Variants in RBM15 observed in about 807,000 individuals in gnomAD.
RBM15 encodes the protein RNA binding motif protein 15, also known as RNA-binding protein 15.
A neutral mutation model predicts 62.6 loss-of-function variants in RBM15; 8 were observed. That is an observed-to-expected ratio of 0.13 (90% CI 0.07 to 0.23). RBM15 has a LOEUF of 0.23. RBM15 is among the 10% of genes least tolerant of loss of function. The pLI, the probability that RBM15 is intolerant of heterozygous loss-of-function variation, is 1.00. For missense variants in RBM15, 1,144 were observed against 1,286.5 expected, an observed-to-expected ratio of 0.89 and a Z score of 1.69; for synonymous variants, 606 against 505.7, an observed-to-expected ratio of 1.20 and a Z score of -2.66.
chr1:110,339,966 G>C lies in RBM15; in HGVS notation c.561G>C (p.Glu187Asp). Residue 187 changes from glutamate to aspartate, a missense_variant, in exon 1 of 3, where the codon GAG (glutamate) becomes GAC (aspartate). Physicochemically the swap from Glu to Asp is conservative, Grantham distance 45 (BLOSUM62 2). This residue lies in a region of RBM15 where 15 missense variants were observed against 35.0 expected (regional missense o/e 0.43). Transcript: ENST00000369784. ...CCCAGCTTAGTGACGAAGCGGTGGAGGACGGCCTGTTTCATGAGTTCAAAC... is the reference window on the plus strand; with the variant it reads ...CCCAGCTTAGTGACGAAGCGGTGGACGACGGCCTGTTTCATGAGTTCAAAC... ...LGSQLSDEAV[E>D]DGLFHEFKRF... 6.2e-7 allele frequency: 1 copy of C among 1,614,138 alleles called. No homozygotes were observed. Among genetic ancestry groups the C allele is most frequent in the Non-Finnish European group, 8.5e-7 (1 of 1,180,012 alleles).
rs776197425 is a variant in RBM15, at chr1:110,345,779, A to G, written c.*40+130A>G. 26 of 625,814 alleles carry G rather than the reference A, an allele frequency of 4.2e-5. 1 individual carries two copies. The highest frequency in any genetic ancestry group is 1.5e-4 in the Admixed American group (5 of 33,718). The allele number at this position is 625,814 out of a possible 1,614,324, so 38.8% of individuals were successfully genotyped here. On this transcript the variant is annotated intron_variant, in intron 2 of 2. Transcript: ENST00000369784. ...ATTTGTATGAGTGTTTTATTAAAAT[A>G]ACGGCTGCTGTCTTTGGTAACATAG...
rs1660896409 is a variant in RBM15, at chr1:110,346,297, C to G, written c.*41-11C>G. 1 of 1,596,400 alleles carries G rather than the reference C, an allele frequency of 6.3e-7. No homozygotes were observed. Among genetic ancestry groups the G allele is most frequent in the African/African-American group, 1.3e-5 (1 of 74,650 alleles). ...TGTACTGAATAACCTTTTTTTCCCC[C>G]CCTCCGCAAGCAAAACTGGTTGAAC... is the stretch of plus-strand genomic sequence containing the variant. On this transcript the variant is annotated splice_polypyrimidine_tract_variant and intron_variant, in intron 2 of 2. Coordinates refer to ENST00000369784, the MANE Select transcript of RBM15 (RefSeq NM_022768.5).
At chr1:110,345,833 A>G (rs1327143707) in intron 2 of RBM15, among the ~76,000 whole-genome samples, 184 bp downstream of exon 2, 1 of 152,156 alleles carries the variant, frequency 6.6e-6, no homozygotes, top group Non-Finnish European at 1.5e-5. Context: ...ATGGCTTTGT[A>G]TCGACCCCTT....
rs1251921690 is a variant in RBM15, at chr1:110,340,530, G to T, written c.1125G>T (p.Thr375=). The T allele has an allele frequency of 2.5e-6, 4 of 1,614,208 alleles. No homozygotes were observed. The South Asian group carries it at 4.4e-5, about 18-fold the overall frequency. The change falls in exon 1 of 3, where the codon ACG becomes ACT. Residue 375 remains threonine, a synonymous_variant. Coordinates refer to ENST00000369784, the MANE Select transcript of RBM15 (RefSeq NM_022768.5). This position sits in a 1 kb window ranked among gnomAD's most constrained non-coding sequence, Gnocchi z 5.8. The part of the protein sequence containing the change: ...SPEDDQRANR[T]LFLGNLDITV... ...AGGATGATCAGCGAGCTAACCGGAC[G>T]CTCTTCTTGGGCAACCTAGACATCA...
chr1:110,346,343 T>C lies in RBM15; in HGVS notation c.*76T>C, dbSNP rs1437630273. The stretch of plus-strand genomic sequence containing the variant: ...TGAACAGCGGATGAAGATATGGAAT[T>C]CAAAGCTCTAATGGACCTTTTTGAA... On this transcript the variant is annotated 3_prime_UTR_variant, in exon 3 of 3. Coordinates refer to ENST00000369784, the MANE Select transcript of RBM15 (RefSeq NM_022768.5). 6.3e-7 allele frequency: 1 copy of C among 1,598,438 alleles called. No homozygotes were observed. Among genetic ancestry groups the C allele is most frequent in the South Asian group, 1.1e-5 (1 of 91,084 alleles).
At chr1:110,346,063 T>C (rs894928019) in intron 2 of RBM15, among the ~76,000 whole-genome samples, 5 of 152,326 alleles carry the variant, frequency 3.3e-5, no homozygotes, top group African/African-American at 1.2e-4. Flanking sequence ...AGTCCTGTTA[T>C]CTTCAATTGC....
Position 110,341,025 on chromosome 1 carries a change from T to A in RBM15, c.1620T>A (p.Pro540=). 3.1e-6 allele frequency: 5 copies of A among 1,614,228 alleles called. No individual in the cohort carries two copies. Among genetic ancestry groups the A allele is most frequent in the Non-Finnish European group, 4.2e-6 (5 of 1,180,024 alleles). The part of the protein sequence containing the change: ...EHRYQQQYLQ[P]LPLTHYELVT... ...GTTACCAGCAGCAGTATCTGCAGCC[T>A]CTGCCCTTGACTCATTATGAGCTGG... Residue 540 remains proline (P), a synonymous_variant, in exon 1 of 3, where the codon CCT becomes CCA. Coordinates refer to ENST00000369784, the MANE Select transcript of RBM15 (RefSeq NM_022768.5). This position sits in a 1 kb window ranked among gnomAD's most constrained non-coding sequence, Gnocchi z 4.5.
chr1:110,342,054 T>C lies in RBM15; in HGVS notation c.2649T>C (p.Ser883=). The C allele has an allele frequency of 6.2e-7, 1 of 1,614,270 alleles. No homozygotes were observed. The highest frequency in any genetic ancestry group is 8.5e-7 in the Non-Finnish European group (1 of 1,180,054). The stretch of plus-strand genomic sequence containing the variant: ...CAGCTGCATCAGACACTGCCACTTC[T>C]ACTCAGAGGCCACTTAGGAACCTTG... The part of the protein sequence containing the change: ...SSSAASDTAT[S]TQRPLRNLVS... Residue 883 remains serine (S), a synonymous_variant, in exon 1 of 3, where the codon TCT becomes TCC. Transcript: ENST00000369784.
At position 110,341,526 on chromosome 1, in the gene RBM15, T is replaced by C. The variant is rs1304579947; in HGVS notation, c.2121T>C (p.Gly707=). 1.9e-6 allele frequency: 3 copies of C among 1,613,820 alleles called. No individual in the cohort carries two copies. The East Asian group carries it at 6.7e-5, about 36-fold the overall frequency. The change falls in exon 1 of 3, where the codon GGT becomes GGC. Residue 707 remains glycine (G), a synonymous_variant. Coordinates refer to ENST00000369784, the MANE Select transcript of RBM15 (RefSeq NM_022768.5). The surrounding 1 kb of genome is among the most constrained non-coding windows in gnomAD (Gnocchi z 4.5). ...ERPSPIRDRR[G]SLEKSQGDKR... is the part of the protein sequence containing the mutation. ...CCTCTCCAATCAGAGACAGACGAGGTAGTTTGGAGAAGAGCCAGGGTGACA... is the reference window on the plus strand; with the variant it reads ...CCTCTCCAATCAGAGACAGACGAGGCAGTTTGGAGAAGAGCCAGGGTGACA...
At chr1:110,344,327 G>A (rs1045887608) in intron 1 of RBM15, among the ~76,000 whole-genome samples, 1 of 152,150 alleles carries the variant, frequency 6.6e-6, no homozygotes, top group African/African-American at 2.4e-5. Flanking sequence ...CTCTTTTGGA[G>A]AGTGAAGTCC....
At position 110,340,357 on chromosome 1, in the gene RBM15, C is replaced by A. The variant is rs779939296; in HGVS notation, c.952C>A (p.Pro318Thr). Residue 318 changes from proline to threonine, a missense_variant, in exon 1 of 3, where the codon CCA (proline) becomes ACA (threonine). By Grantham distance (38) the Pro-to-Thr change is conservative. This residue lies in a region of RBM15 where 188 missense variants were observed against 185.6 expected (regional missense o/e 1.01). Coordinates refer to ENST00000369784, the MANE Select transcript of RBM15 (RefSeq NM_022768.5). This position sits in a 1 kb window ranked among gnomAD's most constrained non-coding sequence, Gnocchi z 5.8. ...QQLALGRLPP[P>T]PPPPLPRDLE... ...GTTGGCTCTTGGCCGCCTGCCCCCT[C>A]CACCTCCGCCACCATTGCCTCGAGA... The A allele has an allele frequency of 6.2e-7, 1 of 1,614,086 alleles. No homozygotes were observed. The highest frequency in any genetic ancestry group is 8.5e-7 in the Non-Finnish European group (1 of 1,180,036).
chr1:110,341,422 C>T lies in RBM15; in HGVS notation c.2017C>T (p.Arg673Cys), dbSNP rs375140376. ...RKRHCAPSPD[R>C]SPELSSSRDR... The stretch of plus-strand genomic sequence containing the variant: ...ACGTCACTGCGCTCCTTCTCCTGAC[C>T]GCAGTCCAGAATTGAGCAGTAGCCG... The change falls in exon 1 of 3, where the codon CGC becomes TGC. Residue 673 changes from arginine (R) to cysteine (C), a missense_variant. Coordinates refer to ENST00000369784, the MANE Select transcript of RBM15 (RefSeq NM_022768.5). This position sits in a 1 kb window ranked among gnomAD's most constrained non-coding sequence, Gnocchi z 4.5. 7 of 1,614,004 alleles carry T rather than the reference C, an allele frequency of 4.3e-6. No homozygotes were observed. The highest frequency in any genetic ancestry group is 1.3e-5 in the African/African-American group (1 of 74,886).
Position 110,341,784 on chromosome 1 carries a change from A to G in RBM15, c.2379A>G (p.Leu793=), listed in dbSNP as rs1217284852. 2 of 1,614,068 alleles carry G rather than the reference A, an allele frequency of 1.2e-6. No homozygotes were observed. ...KLCLAWQGML[L]LKNSNFPSNM... ...GTTTGGCCTGGCAGGGCATGCTTCT[A>G]CTGAAGAACAGCAACTTTCCTTCCA... The change falls in exon 1 of 3, where the codon CTA becomes CTG. Residue 793 remains leucine, a synonymous_variant. Transcript: ENST00000369784. This position sits in a 1 kb window ranked among gnomAD's most constrained non-coding sequence, Gnocchi z 4.5.
Position 110,339,748 on chromosome 1 carries a change from G to C in RBM15, c.343G>C (p.Gly115Arg), listed in dbSNP as rs1476184794. The stretch of plus-strand genomic sequence containing the variant: ...AGGTGGCAGCCGCGAGTATGATACC[G>C]GTGGGGGCAGCTCCAGTAGCCGCTT... ...SRGGSREYDT[G>R]GGSSSSRLHS... is the part of the protein sequence containing the mutation. The change falls in exon 1 of 3, where the codon GGT (glycine) becomes CGT (arginine). Residue 115 changes from glycine (G) to arginine (R), a missense_variant. Around this residue, in one of 8 missense-constraint regions of RBM15, gnomAD observed 298 missense variants for 250.0 expected, o/e 1.19. Coordinates refer to ENST00000369784, the MANE Select transcript of RBM15 (RefSeq NM_022768.5). The C allele has an allele frequency of 6.2e-7, 1 of 1,612,058 alleles. No homozygotes were observed. The highest frequency in any genetic ancestry group is 1.7e-5 in the Admixed American group (1 of 59,956).
chr1:110,341,722 G>A lies in RBM15; in HGVS notation c.2317G>A (p.Gly773Arg). The A allele has an allele frequency of 6.2e-7, 1 of 1,614,178 alleles. No homozygotes were observed. The change falls in exon 1 of 3, where the codon GGG becomes AGG. Residue 773 changes from glycine (G) to arginine (R), a missense_variant. Gly to Arg is a moderately radical substitution (Grantham distance 125). Coordinates refer to ENST00000369784, the MANE Select transcript of RBM15 (RefSeq NM_022768.5). The surrounding 1 kb of genome is among the most constrained non-coding windows in gnomAD (Gnocchi z 4.5). ...GTCCCCGTCCCAGAAACAGGATGGGGGGACAGCCCCTGTGGCATCAGCCTC... is the reference window on the plus strand; with the variant it reads ...GTCCCCGTCCCAGAAACAGGATGGGAGGACAGCCCCTGTGGCATCAGCCTC... ...LKSPSQKQDG[G>R]TAPVASASPK...
chr1:110,342,177 A>C lies in RBM15; in HGVS notation c.2772A>C (p.Pro924=), dbSNP rs769989160. 1 of 1,613,944 alleles carries C rather than the reference A, an allele frequency of 6.2e-7. No individual in the cohort carries two copies. Among genetic ancestry groups the C allele is most frequent in the Non-Finnish European group, 8.5e-7 (1 of 1,179,904 alleles). ...KENTGVLHAF[P]PCEFSQQFLD... ...ACACCGGGGTCCTTCATGCCTTCCC[A>C]CCTTGTGAGTTCTCCCAGCAGTTCC... Residue 924 remains proline (P), a synonymous_variant, in exon 1 of 3, where the codon CCA becomes CCC. Transcript: ENST00000369784.
In RBM15 at chr1:110,340,472, C is replaced by A. The variant is rs1339647768; in HGVS notation, c.1067C>A (p.Ala356Asp). Reference protein sequence around the residue: ...EPRVGAGAGAAPFREVDEISP... With the variant: ...EPRVGAGAGADPFREVDEISP... Reference sequence around the variant, plus strand: ...AGGGTGGGAGCTGGAGCAGGTGCTGCTCCTTTCAGAGAAGTGGATGAGATT... The same window carrying A: ...AGGGTGGGAGCTGGAGCAGGTGCTGATCCTTTCAGAGAAGTGGATGAGATT... Residue 356 changes from alanine to aspartate, a missense_variant, in exon 1 of 3, where the codon GCT (alanine) becomes GAT (aspartate). Coordinates refer to ENST00000369784, the MANE Select transcript of RBM15 (RefSeq NM_022768.5). The surrounding 1 kb of genome is among the most constrained non-coding windows in gnomAD (Gnocchi z 5.8). 2 of 1,614,008 alleles carry A rather than the reference C, an allele frequency of 1.2e-6. No individual in the cohort carries two copies. The highest frequency in any genetic ancestry group is 1.7e-6 in the Non-Finnish European group (2 of 1,180,002).
rs1291807456 is a variant in RBM15, at chr1:110,340,200, T to C, written c.795T>C (p.Thr265=). 6.2e-7 allele frequency: 1 copy of C among 1,614,130 alleles called. No individual in the cohort carries two copies. The highest frequency in any genetic ancestry group is 2.2e-5 in the East Asian group (1 of 44,882). The change falls in exon 1 of 3, where the codon ACT becomes ACC. Residue 265 remains threonine, a synonymous_variant. Transcript: ENST00000369784. The surrounding 1 kb of genome is among the most constrained non-coding windows in gnomAD (Gnocchi z 5.8). ...GCCGCTCCCCTTTAGACAAAGATAC[T>C]TATCCTCCATCAGCCAGTGTGGTCG... ...RRSRSPLDKD[T]YPPSASVVGA... is the part of the protein sequence containing the mutation.
chr1:110,345,799 A>T (rs1660886133), intron 2 of RBM15, 150 bp downstream of exon 2: 1 of 589,870 alleles, frequency 1.7e-6, no homozygotes, highest in African/African-American at 1.9e-5. Context: ...GTCTTTGGTA[A>T]CATAGATGAG....
Sources: gnomAD v4.1 joint callset for allele counts (sites outside exome capture counted in the v4.1 genomes callset) on GRCh38, gnomAD v4.1.1 for gene constraint, gnomAD v4.1.1 regional missense constraint, Gnocchi (gnomAD v3.1) non-coding constraint, MANE v1.5 for transcripts, NCBI Gene and HGNC (gene_info 2026-07-23, HGNC 2026-07-21) for gene names.